CLSTN3: variants seen among roughly 807,000 people sequenced by gnomAD.
The protein encoded by CLSTN3 is calsyntenin-3.
In CLSTN3, 36 loss-of-function variants were observed where a neutral mutation model predicts 95.9. The ratio of observed to expected loss-of-function variants is 0.38; its 90% confidence interval spans 0.29 to 0.50. The LOEUF is 0.50. Among genes scored for constraint, CLSTN3 ranks in the 20% least tolerant of loss-of-function variants. The pLI, the probability that CLSTN3 is intolerant of heterozygous loss-of-function variation, is 0.95. For synonymous variants in CLSTN3, 481 were observed against 504.0 expected (o/e 0.95, Z 0.61); for missense variants, 1,084 against 1,268.8 (o/e 0.85, Z 2.21).
chr12:7,157,799 C>T lies in CLSTN3; in HGVS notation c.2730+108C>T, dbSNP rs1162519142. On this transcript the variant is annotated intron_variant, in intron 17 of 17. Coordinates refer to ENST00000266546, the MANE Select transcript of CLSTN3 (RefSeq NM_014718.4). The surrounding 1 kb of genome is among the most constrained non-coding windows in gnomAD (Gnocchi z 5.9). ...TGGGTGGAGGCTGTTCGCAGAGCTG[C>T]AGTGAGCCGGAGGGAGAGAGGTTCA... The T allele has an allele frequency of 6.7e-7, 1 of 1,488,558 alleles. No individual in the cohort carries two copies. Among genetic ancestry groups the T allele is most frequent in the Non-Finnish European group, 9.1e-7 (1 of 1,104,774 alleles). 92.2% of individuals were successfully genotyped at this position (1,488,558 alleles called of 1,614,324 possible).
rs768487238 is a variant in CLSTN3 at position 7,137,795 on chromosome 12, T to TGTGTGTGTGA, written c.1211-159_1211-158insTGTGTGTGAG. 0.01 allele frequency among the ~76,000 whole-genome samples: 728 copies of TGTGTGTGTGA among 70,660 alleles called. 11 individuals are homozygous for TGTGTGTGTGA. Among genetic ancestry groups the TGTGTGTGTGA allele is most frequent in the Admixed American group, 0.019 (96 of 5,118 alleles). 46.4% of individuals were successfully genotyped at this position (70,660 alleles called of 152,430 possible). A position where few individuals can be genotyped will look rare whatever the true frequency, so the allele number is the denominator to read the frequency against. ...GTGTGTGTGTGTGTGTGTGTGTGTG[T>TGTGTGTGTGA]GAGAGAGAGAGAGAGAGAGAGAGAG... is the stretch of plus-strand genomic sequence containing the variant. On this transcript the variant is annotated intron_variant, in intron 7 of 17. Coordinates refer to ENST00000266546, the MANE Select transcript of CLSTN3 (RefSeq NM_014718.4). This position sits in a 1 kb window ranked among gnomAD's most constrained non-coding sequence, Gnocchi z 4.4.
intron 10 of CLSTN3, 109 bp downstream of exon 10, chr12:7,142,248 C>G: frequency 1.1e-6 from 1 of 878,696 alleles, no homozygotes; most frequent in East Asian, 2.7e-5. Context: ...CCTCCTAGGC[C>G]ACCAGGGGGC....
chr12:7,146,902 A>G (rs1939629592), intron 12 of CLSTN3, among the ~76,000 whole-genome samples: 1 of 152,058 alleles, frequency 6.6e-6, no homozygotes, highest in African/African-American at 2.4e-5. Flanking sequence ...GCCTATCTGG[A>G]TGGCAGACTG....
chr12:7,142,389 G>A (rs1475353862), intron 10 of CLSTN3, among the ~76,000 whole-genome samples: 2 of 152,056 alleles, frequency 1.3e-5, no homozygotes, highest in Non-Finnish European at 2.9e-5. Context: ...CTTTCCACAT[G>A]GTAGAAGGGA....
chr12:7,147,457 A>G (rs1444824166), intron 12 of CLSTN3, among the ~76,000 whole-genome samples: 2 of 149,196 alleles, frequency 1.3e-5, no homozygotes, highest in Non-Finnish European at 3.0e-5. Context: ...GAATGATTTA[A>G]GCCTAGACTC....
At chr12:7,131,469 G>A in intron 1 of CLSTN3, 1 of 263,774 alleles carries the variant, frequency 3.8e-6, no homozygotes, top group Non-Finnish European at 7.6e-6. Context: ...TGAGGCGTGG[G>A]AGGGGGTAAG....
At chr12:7,148,674 A>G (rs753269014) in intron 12 of CLSTN3, among the ~76,000 whole-genome samples, 1 of 152,230 alleles carries the variant, frequency 6.6e-6, no homozygotes, top group Non-Finnish European at 1.5e-5. Flanking sequence ...TAGCATCTAT[A>G]GGTACTCCAT....
At chr12:7,130,288 C>A (rs1432320099), upstream of CLSTN3, 5 of 822,530 alleles carry the variant, frequency 6.1e-6, no homozygotes, top group East Asian at 5.1e-5. Context: ...CTCCCTCCCC[C>A]GCTGCAGCAC....
rs1007344029 is a variant in CLSTN3 at position 7,157,604 on chromosome 12, CGGGCCTCCAG to C, written c.2654_2663del (p.Gly885ValfsTer19). The C allele has an allele frequency of 1.2e-6, 2 of 1,612,088 alleles. No individual in the cohort carries two copies. The highest frequency in any genetic ancestry group is 8.5e-7 in the Non-Finnish European group (1 of 1,179,270). ...TTCACCGCCGCGTCTCAGGGGCCGG[CGGGCCTCCAG>C]GGGCCTCCAGTGACCCCAAGGACCC... On this transcript the variant is annotated frameshift_variant, in exon 17 of 18. Coordinates refer to ENST00000266546, the MANE Select transcript of CLSTN3 (RefSeq NM_014718.4). LOFTEE classifies it high-confidence loss of function. This position sits in a 1 kb window ranked among gnomAD's most constrained non-coding sequence, Gnocchi z 5.9.
In CLSTN3 at chr12:7,137,279, A is replaced by C; in HGVS notation, c.1210+169A>C. ...TTCTGTGCTTTATCCCCAACATGAC[A>C]TGTTGGATCGTACTGCTGTCAGAGT... On this transcript the variant is annotated intron_variant, in intron 7 of 17. Coordinates refer to ENST00000266546, the MANE Select transcript of CLSTN3 (RefSeq NM_014718.4). The surrounding 1 kb of genome is among the most constrained non-coding windows in gnomAD (Gnocchi z 4.4). 1.5e-6 allele frequency: 1 copy of C among 655,518 alleles called. No individual in the cohort carries two copies. Among genetic ancestry groups the C allele is most frequent in the Non-Finnish European group, 2.6e-6 (1 of 388,478 alleles). 40.6% of individuals were successfully genotyped at this position (655,518 alleles called of 1,614,324 possible).
intron 1 of CLSTN3, chr12:7,131,647 G>A: frequency 2.5e-6 from 1 of 392,878 alleles, no homozygotes; most frequent in Non-Finnish European, 5.1e-6. Context: ...AGAGACCTGG[G>A]AAGACAAGCA....
At position 7,135,604 on chromosome 12, in the gene CLSTN3, A is replaced by G. The variant is rs1040564675; in HGVS notation, c.592+69A>G. The G allele has an allele frequency of 2.1e-5, 32 of 1,527,302 alleles. No homozygotes were observed. In the East Asian group the frequency reaches 4.5e-4, roughly 22 times the overall value. The allele number at this position is 1,527,302 out of a possible 1,614,324, so 94.6% of individuals were successfully genotyped here. On this transcript the variant is annotated intron_variant, in intron 4 of 17. Transcript: ENST00000266546. ...GCACCCACCTCCCTCAGGACAACCC[A>G]GGGTTGCATTCTCCACTTTTGCCCC... is the stretch of plus-strand genomic sequence containing the variant.
Position 7,150,161 on chromosome 12 carries a change from A to G in CLSTN3, c.2246-383A>G, listed in dbSNP as rs747448849. Among the ~76,000 whole-genome samples the G allele has an allele frequency of 2.7e-4, 41 of 152,344 alleles. No homozygotes were observed. The highest frequency in any genetic ancestry group is 5.2e-4 in the Admixed American group (8 of 15,300). On this transcript the variant is annotated intron_variant, in intron 14 of 17. Coordinates refer to ENST00000266546, the MANE Select transcript of CLSTN3 (RefSeq NM_014718.4). This position sits in a 1 kb window ranked among gnomAD's most constrained non-coding sequence, Gnocchi z 4.0. ...AAGGAAGCCAGGAGGGAGAATGGAG[A>G]AGATGGAGATAATCAGTTCCCTTCT...
chr12:7,156,387 G>A (rs937166000), intron 16 of CLSTN3: 3 of 456,410 alleles, frequency 6.6e-6, no homozygotes, highest in East Asian at 6.9e-5. Flanking sequence ...ATGGCGGCTC[G>A]CTCTGTGGCC....
chr12:7,145,349 GT>G (rs1297908478), intron 12 of CLSTN3, among the ~76,000 whole-genome samples: 6 of 1,714 alleles, frequency 3.5e-3, no homozygotes, highest in East Asian at 0.062. Context: ...ATAGAGGGGT[GT>G]GTGTGTGTGT....
At position 7,149,269 on chromosome 12, in the gene CLSTN3, C is replaced by A; in HGVS notation, c.2074+71C>A. The A allele has an allele frequency of 7.4e-7, 1 of 1,348,248 alleles. No homozygotes were observed. Among genetic ancestry groups the A allele is most frequent in the Non-Finnish European group, 1.0e-6 (1 of 955,990 alleles). The allele number at this position is 1,348,248 out of a possible 1,614,324, so 83.5% of individuals were successfully genotyped here. On this transcript the variant is annotated intron_variant, in intron 13 of 17. Coordinates refer to ENST00000266546, the MANE Select transcript of CLSTN3 (RefSeq NM_014718.4). This position sits in a 1 kb window ranked among gnomAD's most constrained non-coding sequence, Gnocchi z 4.5. ...TGTCTGGAGTCAGAGTGTGGGAGAA[C>A]TCCTGGGGCTGGAAGCAGAAAGCGA...
chr12:7,142,020 C>T lies in CLSTN3; in HGVS notation c.1487-66C>T, dbSNP rs1407830667. ...GGGATGAGAGGAAGACATCTCATTC[C>T]TCTCTGTCAATCTCTCCACATCCCT... On this transcript the variant is annotated intron_variant, in intron 9 of 17. Transcript: ENST00000266546. The T allele has an allele frequency of 1.8e-5, 23 of 1,296,422 alleles. No homozygotes were observed. In the South Asian group the frequency reaches 2.8e-4, roughly 16 times the overall value. 80.3% of individuals were successfully genotyped at this position (1,296,422 alleles called of 1,614,324 possible).
rs779513075 is a variant in CLSTN3, at chr12:7,142,921, C to T, written c.1593C>T (p.Ser531=). The change falls in exon 11 of 18, where the codon AGC becomes AGT. Residue 531 remains serine (S), a synonymous_variant. Transcript: ENST00000266546. ...TCCATGGCTACCTGGCTGGTTTCAG[C>T]GTGCGCTCAGGTCGCCTGGAGAGCC... The part of the protein sequence containing the change: ...HYFHGYLAGF[S]VRSGRLESRE... 41 of 1,614,156 alleles carry T rather than the reference C, an allele frequency of 2.5e-5. No individual in the cohort carries two copies. Among genetic ancestry groups the T allele is most frequent in the African/African-American group, 2.3e-4 (17 of 75,042 alleles).
At chr12:7,142,742 C>T (rs1482956734) in intron 10 of CLSTN3, 127 bp from the exon 11 acceptor site, 33 of 441,626 alleles carry the variant, frequency 7.5e-5, no homozygotes, top group South Asian at 3.0e-5. Context: ...TTTTGGTTTC[C>T]ACATTTCTCC....
Sources: allele counts gnomAD v4.1 joint callset (sites outside exome capture counted in the v4.1 genomes callset), GRCh38; gene constraint gnomAD v4.1.1; non-coding constraint Gnocchi (gnomAD v3.1); transcripts MANE v1.5; gene names NCBI Gene and HGNC (gene_info 2026-07-23, HGNC 2026-07-21).